Variants in AVPI1 observed in about 807,000 individuals in gnomAD.
AVPI1 encodes arginine vasopressin-induced protein 1.
In AVPI1, 9 loss-of-function variants were observed where a neutral mutation model predicts 11.9. The observed-to-expected ratio is 0.76, with a 90% CI of 0.46 to 1.32. AVPI1 has a LOEUF of 1.32. Among genes scored for constraint, AVPI1 ranks in the 40% most tolerant of loss-of-function variants. AVPI1 has a pLI of 0.00. For missense variants in AVPI1, 207 were observed against 195.8 expected (o/e 1.06, Z -0.34); for synonymous variants, 68 against 78.1 (o/e 0.87, Z 0.68).
chr10:97,679,975 T>C (rs1482210663), intron 1 of AVPI1, 60 bp from the exon 2 acceptor site: 4 of 1,400,786 alleles, frequency 2.9e-6, no homozygotes, highest in Non-Finnish European at 3.8e-6. Flanking sequence ...GACCTGGGGG[T>C]CCTGGCTAAT....
rs749718877 is a variant in AVPI1 at position 97,677,979 on chromosome 10, C to G, written c.334G>C (p.Glu112Gln). The G allele has an allele frequency of 1.9e-6, 3 of 1,614,018 alleles. No homozygotes were observed. Among genetic ancestry groups the G allele is most frequent in the Non-Finnish European group, 2.5e-6 (3 of 1,180,038 alleles). ...SALANPQSATETASSEQYLHS... is the reference protein window; with the variant it reads ...SALANPQSATQTASSEQYLHS... ...AGATACTGCTCACTGGAGGCTGTCT[C>G]TGTGGCACTCTGTGGGTTGGCCAGT... The change falls in exon 3 of 3, where the codon GAG (glutamate) becomes CAG (glutamine). Residue 112 changes from glutamate (E) to glutamine (Q), a missense_variant. Transcript: ENST00000370626.
At chr10:97,680,044 T>TA in intron 1 of AVPI1, 129 bp from the exon 2 acceptor site, 1 of 889,738 alleles carries the variant, frequency 1.1e-6, no homozygotes, top group South Asian at 1.8e-5. Flanking sequence ...TCTCCTGCCT[T>TA]AAAATCACTT....
chr10:97,682,784 T>C (rs960136637), intron 1 of AVPI1, among the ~76,000 whole-genome samples: 2 of 152,218 alleles, frequency 1.3e-5, no homozygotes, highest in Non-Finnish European at 2.9e-5. Flanking sequence ...GTTAACGTCA[T>C]GAAAATTGTA....
chr10:97,680,542 C>T (rs756176148), intron 1 of AVPI1, among the ~76,000 whole-genome samples: 11 of 152,180 alleles, frequency 7.2e-5, no homozygotes, highest in Non-Finnish European at 1.5e-4. Context: ...GTTGGAATCC[C>T]ACTTCTACCC....
In AVPI1 at chr10:97,677,924, C is replaced by T. The variant is rs367683380; in HGVS notation, c.389G>A (p.Arg130His). ...GGGGCCTGACTTCCTCCAGTTCCGGCGGATCCTGGCACTTTTCTTCCTAGA... is the reference window on the plus strand; with the variant it reads ...GGGGCCTGACTTCCTCCAGTTCCGGTGGATCCTGGCACTTTTCTTCCTAGA... ...LHSRKKSARI[R>H]RNWRKSGPTS... Residue 130 changes from arginine to histidine, a missense_variant, in exon 3 of 3, where the codon CGC (arginine) becomes CAC (histidine). Coordinates refer to ENST00000370626, the MANE Select transcript of AVPI1 (RefSeq NM_021732.3). The T allele has an allele frequency of 2.4e-5, 39 of 1,613,994 alleles. No individual in the cohort carries two copies. The highest frequency in any genetic ancestry group is 1.5e-4 in the Admixed American group (9 of 59,988).
In AVPI1 at chr10:97,679,799, A is replaced by C. The variant is rs11556392; in HGVS notation, c.107T>G (p.Leu36Arg). 0.071 allele frequency: 114,307 copies of C among 1,613,584 alleles called. 4,404 individuals are homozygous for C. Among genetic ancestry groups the C allele is most frequent in the South Asian group, 0.079 (7,223 of 91,002 alleles). ...TTGAAACAGGGCTTGGATCTGCAGC[A>C]GCTCGGCGTCCTGGAAGATGTTGGC... ...ASANIFQDAE[L>R]LQIQALFQRS... Residue 36 changes from leucine (L) to arginine (R), a missense_variant, in exon 2 of 3, where the codon CTG becomes CGG. Leu to Arg is a moderately radical substitution (Grantham distance 102). Transcript: ENST00000370626.
chr10:97,682,326 C>T (rs2041709322), intron 1 of AVPI1, among the ~76,000 whole-genome samples: 1 of 152,206 alleles, frequency 6.6e-6, no homozygotes, highest in South Asian at 2.1e-4. Flanking sequence ...TTCTCCAGGG[C>T]CTGGTTGCCT....
rs1465060056 is a variant in AVPI1 at position 97,677,797 on chromosome 10, T to G, written c.*72A>C. 1 of 1,575,526 alleles carries G rather than the reference T, an allele frequency of 6.3e-7. No individual in the cohort carries two copies. On this transcript the variant is annotated 3_prime_UTR_variant, in exon 3 of 3. Transcript: ENST00000370626. Reference sequence around the variant, plus strand: ...ACCCCTTTGGGCTGCTTGCCTAAAGTCTCTCTTCCTTCACCTCCCCAGGCC... The same window carrying G: ...ACCCCTTTGGGCTGCTTGCCTAAAGGCTCTCTTCCTTCACCTCCCCAGGCC...
At chr10:97,680,033 G>C (rs1026450951) in intron 1 of AVPI1, 118 bp from the exon 2 acceptor site, 13 of 1,014,876 alleles carry the variant, frequency 1.3e-5, no homozygotes, top group African/African-American at 4.9e-5. Flanking sequence ...ACTGGAGGAA[G>C]TCTCCTGCCT....
At chr10:97,678,197 G>A (rs1295437406) in intron 2 of AVPI1, among the ~76,000 whole-genome samples, 172 bp from the exon 3 acceptor site, 1 of 152,214 alleles carries the variant, frequency 6.6e-6, no homozygotes, top group Non-Finnish European at 1.5e-5. Flanking sequence ...AAAGTTTACA[G>A]ATTTCTCTGC....
chr10:97,679,611 G>A lies in AVPI1; in HGVS notation c.287+8C>T. The A allele has an allele frequency of 6.2e-7, 1 of 1,605,562 alleles. No individual in the cohort carries two copies. The highest frequency in any genetic ancestry group is 8.5e-7 in the Non-Finnish European group (1 of 1,175,138). The stretch of plus-strand genomic sequence containing the variant: ...TCTTCCCTCAGCCATCCGGTTCTAG[G>A]AACCTACCTGAGGCGGCTGCAGTGG... On this transcript the variant is annotated splice_region_variant and intron_variant, in intron 2 of 2. Coordinates refer to ENST00000370626, the MANE Select transcript of AVPI1 (RefSeq NM_021732.3).
At position 97,678,999 on chromosome 10, in the gene AVPI1, G is replaced by T. The variant is rs936703173; in HGVS notation, c.287+620C>A. Among the ~76,000 whole-genome samples, 71 of 142,268 alleles carry T rather than the reference G, an allele frequency of 5.0e-4. 1 individual carries two copies. Among genetic ancestry groups the T allele is most frequent in the South Asian group, 3.7e-3 (16 of 4,354 alleles). The allele number at this position is 142,268 out of a possible 152,430, so 93.3% of individuals were successfully genotyped here. A position where few individuals can be genotyped will look rare whatever the true frequency, so the allele number is the denominator to read the frequency against. On this transcript the variant is annotated intron_variant, in intron 2 of 2. Transcript: ENST00000370626. ...TGTGTGTGTGTGTGTGTGTGTGTGT[G>T]TTTTCAGAGACAGGATCTCGCCATG... is the stretch of plus-strand genomic sequence containing the variant.
chr10:97,679,355 G>C (rs1589942851), intron 2 of AVPI1, among the ~76,000 whole-genome samples: 1 of 152,010 alleles, frequency 6.6e-6, no homozygotes, highest in Admixed American at 6.6e-5. Context: ...ATGTTGGTCA[G>C]GCTGGTCTCA....
intron 1 of AVPI1, among the ~76,000 whole-genome samples, chr10:97,685,662 C>T (rs1412336638): frequency 1.3e-5 from 2 of 152,216 alleles, no homozygotes; most frequent in South Asian, 2.1e-4. Flanking sequence ...AGACATGCCA[C>T]TGGACAGCAG....
Position 97,678,687 on chromosome 10 carries a change from A to T in AVPI1, c.288-662T>A, listed in dbSNP as rs1333581402. On this transcript the variant is annotated intron_variant, in intron 2 of 2. Coordinates refer to ENST00000370626, the MANE Select transcript of AVPI1 (RefSeq NM_021732.3). ...CAGCCAAGATTTTAATTAGGCTTAAAAAAAAAAAAAAAAGAGAATCTCACT... is the reference window on the plus strand; with the variant it reads ...CAGCCAAGATTTTAATTAGGCTTAATAAAAAAAAAAAAAGAGAATCTCACT... Among the ~76,000 whole-genome samples, 268 of 147,768 alleles carry T rather than the reference A, an allele frequency of 1.8e-3. 1 individual carries two copies. Among genetic ancestry groups the T allele is most frequent in the African/African-American group, 5.7e-3 (227 of 39,794 alleles).
At position 97,684,229 on chromosome 10, in the gene AVPI1, G is replaced by GTGA. The variant is rs541467479; in HGVS notation, c.-11+2534_-11+2536dup. Reference sequence around the variant, plus strand: ...CAGGTCTGGGGTAGTAGGAGAAAGGGTGATATCTGGCCTCACCTCCCCAGG... The same window carrying GTGA: ...CAGGTCTGGGGTAGTAGGAGAAAGGGTGATGATATCTGGCCTCACCTCCCCAGG... On this transcript the variant is annotated intron_variant, in intron 1 of 2. Coordinates refer to ENST00000370626, the MANE Select transcript of AVPI1 (RefSeq NM_021732.3). 6.2e-4 allele frequency among the ~76,000 whole-genome samples: 95 copies of GTGA among 152,260 alleles called. 2 individuals are homozygous for GTGA. The highest frequency in any genetic ancestry group is 2.1e-3 in the African/African-American group (89 of 41,536).
Position 97,687,220 on chromosome 10 carries a change from A to G in AVPI1, c.-465T>C, listed in dbSNP as rs2041737757. On this transcript the variant is annotated 5_prime_UTR_variant, in exon 1 of 3. Coordinates refer to ENST00000370626, the MANE Select transcript of AVPI1 (RefSeq NM_021732.3). ...GCGCTCCCTAGCCCCGGAACAGCCA[A>G]TCCTCGGCCCTAGCCAGGTATGAGC... 1 of 152,374 alleles carries G rather than the reference A, an allele frequency of 6.6e-6. No homozygotes were observed. The highest frequency in any genetic ancestry group is 2.4e-5 in the African/African-American group (1 of 41,458). The allele number at this position is 152,374 out of a possible 1,614,324, so 9.4% of individuals were successfully genotyped here. A position where few individuals can be genotyped will look rare whatever the true frequency, so the allele number is the denominator to read the frequency against.
intron 2 of AVPI1, among the ~76,000 whole-genome samples, chr10:97,679,206 GTCATC>G (rs949461902): frequency 2.0e-5 from 3 of 148,284 alleles, no homozygotes; most frequent in Non-Finnish European, 4.4e-5. Flanking sequence ...GTGCGGTGGC[GTCATC>G]TCAGCTCACT....
At chr10:97,679,147 TTTTTTTTTTTTGAGACAGAGTCTCGCTC>T (rs1395873948) in intron 2 of AVPI1, among the ~76,000 whole-genome samples, 1 of 147,826 alleles carries the variant, frequency 6.8e-6, no homozygotes, top group Non-Finnish European at 1.5e-5. Context: ...CAATCTTTTT[TTTTTTTTTTTTGAGACAGAGTCTCGCTC>T]TGTCACCCAG....
Sources: gnomAD v4.1 joint callset for allele counts (sites outside exome capture counted in the v4.1 genomes callset) on GRCh38, gnomAD v4.1.1 for gene constraint, MANE v1.5 for transcripts, NCBI Gene and HGNC (gene_info 2026-07-23, HGNC 2026-07-21) for gene names.